Variants in INPP4B observed in about 807,000 individuals in gnomAD.
INPP4B encodes the protein inositol polyphosphate 4-phosphatase type II.
Under a neutral mutation model 122.5 loss-of-function variants are expected in INPP4B, and 55 were observed. That is an observed-to-expected ratio of 0.45 (90% CI 0.36 to 0.56). The LOEUF (loss-of-function observed/expected upper bound fraction) is 0.56, where lower values mean the gene tolerates loss of function less well. INPP4B is among the 20% of genes least tolerant of loss of function. The pLI is 0.00. For missense variants in INPP4B, 1,000 were observed against 1,097.7 expected, an observed-to-expected ratio of 0.91 and a Z score of 1.26; for synonymous variants, 403 against 388.7, an observed-to-expected ratio of 1.04 and a Z score of -0.43.
At chr4:142,206,796 TGTG>T (rs1842762754) in intron 14 of INPP4B, among the ~76,000 whole-genome samples, 1 of 152,108 alleles carries the variant, frequency 6.6e-6, no homozygotes, top group Non-Finnish European at 1.5e-5. Flanking sequence ...TTAACGTGTA[TGTG>T]TATAAGAACA....
At chr4:142,421,430 C>A (rs3775711) in intron 5 of INPP4B, among the ~76,000 whole-genome samples, 1 of 151,926 alleles carries the variant, frequency 6.6e-6, no homozygotes, top group Non-Finnish European at 1.5e-5. Flanking sequence ...TCTAGCACAG[C>A]CCCAGAGGCA....
intron 17 of INPP4B, among the ~76,000 whole-genome samples, chr4:142,152,161 C>T (rs1053298459): frequency 1.4e-4 from 21 of 149,592 alleles, no homozygotes; most frequent in Non-Finnish European, 3.1e-4. Flanking sequence ...GCAAGCTCCG[C>T]CTCCCGGGTT....
chr4:142,061,634 G>T (rs943567244), intron 25 of INPP4B, among the ~76,000 whole-genome samples: 5 of 151,638 alleles, frequency 3.3e-5, no homozygotes, highest in Admixed American at 1.3e-4. Flanking sequence ...AAATTTAGTG[G>T]CTGAAAAGAT....
chr4:142,099,122 C>A (rs1379325516), intron 23 of INPP4B, among the ~76,000 whole-genome samples: 1 of 152,106 alleles, frequency 6.6e-6, no homozygotes, highest in African/African-American at 2.4e-5. Context: ...AGGCTCTTGA[C>A]AGAAAGTTTC....
chr4:142,074,463 A>C (rs953992096), intron 25 of INPP4B, among the ~76,000 whole-genome samples: 1 of 152,138 alleles, frequency 6.6e-6, no homozygotes, highest in African/African-American at 2.4e-5. Context: ...TGGCTTATAA[A>C]TTAGTATAGC....
intron 1 of INPP4B, among the ~76,000 whole-genome samples, chr4:142,783,180 C>A (rs962561088): frequency 1.5e-3 from 230 of 152,118 alleles, no homozygotes; most frequent in African/African-American, 4.1e-3. Flanking sequence ...TAATTAAACT[C>A]AAGAGCTTCT....
At chr4:142,355,066 G>A (rs926832507) in intron 7 of INPP4B, among the ~76,000 whole-genome samples, 5 of 151,960 alleles carry the variant, frequency 3.3e-5, no homozygotes, top group East Asian at 1.9e-4. Flanking sequence ...TGAAAACTGC[G>A]AAGCTCTCTC....
chr4:142,407,500 C>A (rs1052330034), intron 5 of INPP4B, among the ~76,000 whole-genome samples: 3 of 152,144 alleles, frequency 2.0e-5, no homozygotes, highest in Non-Finnish European at 2.9e-5. Flanking sequence ...GAGAAAATTT[C>A]TATTACACTG....
Position 142,305,471 on chromosome 4 carries a change from C to T in INPP4B, c.490G>A (p.Val164Ile). The T allele has an allele frequency of 6.2e-7, 1 of 1,612,090 alleles. No individual in the cohort carries two copies. Among genetic ancestry groups the T allele is most frequent in the Non-Finnish European group, 8.5e-7 (1 of 1,178,654 alleles). The change falls in exon 9 of 26, where the codon GTC becomes ATC. Residue 164 changes from valine (V) to isoleucine (I), a missense_variant. Val to Ile is a conservative substitution (Grantham distance 29). Coordinates refer to ENST00000262992, the MANE Select transcript of INPP4B (RefSeq NM_001101669.3). The part of the protein sequence containing the change: ...ELLKSKEQLL[V>I]LSLRTSDGGK... ...AAAGAGACCCACCTCAGGCTCAGGA[C>T]CAGCAATTGCTCCTTTGACTTCAGC...
chr4:142,358,681 G>A (rs1784426665), intron 7 of INPP4B, among the ~76,000 whole-genome samples: 1 of 148,498 alleles, frequency 6.7e-6, no homozygotes, highest in South Asian at 2.1e-4. Flanking sequence ...ACTCCCAGGT[G>A]ATTCCAGCAT....
At chr4:142,186,369 C>G (rs1037978120) in intron 15 of INPP4B, among the ~76,000 whole-genome samples, 2 of 152,210 alleles carry the variant, frequency 1.3e-5, no homozygotes, top group African/African-American at 4.8e-5. Flanking sequence ...TGACTAATGT[C>G]ACAAAGACAG....
chr4:142,694,077 TA>T (rs1760640501), intron 2 of INPP4B, among the ~76,000 whole-genome samples: 2 of 152,034 alleles, frequency 1.3e-5, no homozygotes, highest in Admixed American at 6.6e-5. Context: ...AAAAATTTTT[TA>T]AAAAAGAAAG....
chr4:142,609,763 A>C (rs1742077084), intron 2 of INPP4B, among the ~76,000 whole-genome samples: 1 of 152,184 alleles, frequency 6.6e-6, no homozygotes, highest in Admixed American at 6.6e-5. Context: ...TTGAATAGGA[A>C]AACTGTTTCT....
At position 142,024,643 on chromosome 4, in the gene INPP4B, A is replaced by T. The variant is rs775760267; in HGVS notation, c.*4139T>A. 6.6e-6 allele frequency: 1 copy of T among 152,162 alleles called. No homozygotes were observed. The highest frequency in any genetic ancestry group is 2.4e-5 in the African/African-American group (1 of 41,456). The allele number at this position is 152,162 out of a possible 1,614,324, so 9.4% of individuals were successfully genotyped here. A position where few individuals can be genotyped will look rare whatever the true frequency, so the allele number is the denominator to read the frequency against. ...CTGTGGTGATTTAGCATAGTGCCAG[A>T]GTGTAATTTGTTTAATGTAACAGTT... On this transcript the variant is annotated 3_prime_UTR_variant, in exon 26 of 26. Coordinates refer to ENST00000262992, the MANE Select transcript of INPP4B (RefSeq NM_001101669.3).
At chr4:142,214,709 C>T (rs548593730) in intron 12 of INPP4B, among the ~76,000 whole-genome samples, 16 of 152,206 alleles carry the variant, frequency 1.1e-4, no homozygotes, top group Admixed American at 3.9e-4. Flanking sequence ...CCTGCCATCA[C>T]GCCTGGCTAA....
intron 2 of INPP4B, among the ~76,000 whole-genome samples, chr4:142,677,464 A>G (rs933278778): frequency 6.6e-6 from 1 of 152,132 alleles, no homozygotes; most frequent in South Asian, 2.1e-4. Context: ...AACTAGAAAT[A>G]CCATTTGACC....
intron 9 of INPP4B, among the ~76,000 whole-genome samples, chr4:142,278,431 G>A (rs1255304233): frequency 6.6e-6 from 1 of 151,826 alleles, no homozygotes; most frequent in Admixed American, 6.6e-5. Context: ...TCAGAAAAAT[G>A]AAGGGAGATC....
intron 2 of INPP4B, among the ~76,000 whole-genome samples, chr4:142,636,004 A>G (rs1002459524): frequency 1.3e-5 from 2 of 152,108 alleles, no homozygotes; most frequent in Admixed American, 6.5e-5. Context: ...TAATCCCCAC[A>G]TGTCAAGGGC....
intron 25 of INPP4B, among the ~76,000 whole-genome samples, chr4:142,052,693 A>AG (rs58648467): frequency 0.81 from 123,552 of 151,804 alleles, 52,421 homozygotes; most frequent in Non-Finnish European, 0.92. Context: ...TGCAAAGAAA[A>AG]AACAGTAGCA....
Sources: gnomAD v4.1 joint callset for allele counts (sites outside exome capture counted in the v4.1 genomes callset) on GRCh38, gnomAD v4.1.1 for gene constraint, MANE v1.5 for transcripts, NCBI Gene and HGNC (gene_info 2026-07-23, HGNC 2026-07-21) for gene names.